Variants in DOK6 observed in about 807,000 individuals in gnomAD.
The protein encoded by DOK6 is downstream of tyrosine kinase 6.
DOK6 carries 22 observed loss-of-function variants against 44.0 expected under a neutral mutation model. The observed-to-expected ratio is 0.50, with a 90% confidence interval of 0.36 to 0.71. DOK6 has a LOEUF of 0.71. DOK6 is among the 30% of genes least tolerant of loss of function. The pLI is 0.00. For synonymous variants in DOK6, 166 were observed against 145.5 expected, an observed-to-expected ratio of 1.14 and a Z score of -1.01; for missense variants, 340 against 416.4, an observed-to-expected ratio of 0.82 and a Z score of 1.60.
intron 7 of DOK6, chr18:69,831,050 C>T (rs769828691): frequency 6.6e-6 from 1 of 152,112 alleles, no homozygotes; most frequent in Non-Finnish European, 1.5e-5. Flanking sequence ...GGAATTGGCT[C>T]ACCTTATTAT....
chr18:69,773,358 T>G (rs191083435), intron 7 of DOK6, among the ~76,000 whole-genome samples: 9 of 151,908 alleles, frequency 5.9e-5, no homozygotes, highest in Admixed American at 5.9e-4. Flanking sequence ...AAAAAAAATA[T>G]GAAAGTAGGA....
At chr18:69,502,055 A>C (rs1040320011) in intron 1 of DOK6, among the ~76,000 whole-genome samples, 1 of 152,140 alleles carries the variant, frequency 6.6e-6, no homozygotes, top group Non-Finnish European at 1.5e-5. Flanking sequence ...TTTAATACAT[A>C]GAATAGTTTG....
chr18:69,449,415 A>G (rs1396867791), intron 1 of DOK6, among the ~76,000 whole-genome samples: 1 of 152,238 alleles, frequency 6.6e-6, no homozygotes, highest in Non-Finnish European at 1.5e-5. Context: ...GAAAATAGCT[A>G]GATAATAAGT....
At chr18:69,620,711 A>G in intron 3 of DOK6, among the ~76,000 whole-genome samples, 1 of 152,344 alleles carries the variant, frequency 6.6e-6, no homozygotes, top group Middle Eastern at 3.4e-3. Context: ...TATGTCAATA[A>G]TGAATAATCG....
At chr18:69,799,134 A>G (rs528026622) in intron 7 of DOK6, among the ~76,000 whole-genome samples, 1 of 152,204 alleles carries the variant, frequency 6.6e-6, no homozygotes, top group South Asian at 2.1e-4. Context: ...ACCAAGCATT[A>G]CTATTATTAC....
chr18:69,651,989 G>A (rs1373463776), intron 3 of DOK6, among the ~76,000 whole-genome samples: 1 of 152,130 alleles, frequency 6.6e-6, no homozygotes, highest in Non-Finnish European at 1.5e-5. Flanking sequence ...AAGAGCAATG[G>A]GAGAATGGCC....
chr18:69,723,582 G>A (rs1231328193), intron 5 of DOK6, among the ~76,000 whole-genome samples: 2 of 152,192 alleles, frequency 1.3e-5, no homozygotes, highest in Non-Finnish European at 2.9e-5. Context: ...ATTGGGGAAG[G>A]TGGCAGAGGC....
intron 7 of DOK6, among the ~76,000 whole-genome samples, chr18:69,818,830 G>A (rs773261755): frequency 5.3e-5 from 8 of 152,238 alleles, no homozygotes; most frequent in Non-Finnish European, 1.2e-4. Context: ...GAGAAGCAAC[G>A]AGAAAAGCCA....
chr18:69,761,770 T>C (rs1264160616), intron 7 of DOK6, among the ~76,000 whole-genome samples: 1 of 152,148 alleles, frequency 6.6e-6, no homozygotes, highest in Non-Finnish European at 1.5e-5. Context: ...ATGGTTTTCC[T>C]CACTGAGGAT....
chr18:69,545,637 A>G (rs1982385192), intron 1 of DOK6, among the ~76,000 whole-genome samples: 1 of 151,338 alleles, frequency 6.6e-6, no homozygotes, highest in South Asian at 2.1e-4. Flanking sequence ...TGGATTATTA[A>G]TATGAAGAGA....
chr18:69,470,041 CAGGGGAAAT>C (rs982155476), intron 1 of DOK6: 6 of 162,386 alleles, frequency 3.7e-5, no homozygotes, highest in African/African-American at 1.4e-4. Flanking sequence ...CACCCATCTC[CAGGGGAAAT>C]TGATTTTGAA....
At chr18:69,595,734 G>A (rs1446778074) in intron 2 of DOK6, among the ~76,000 whole-genome samples, 1 of 152,128 alleles carries the variant, frequency 6.6e-6, no homozygotes, top group African/African-American at 2.4e-5. Context: ...AAAAGTTGAT[G>A]AGTTTATGTG....
chr18:69,699,088 G>C (rs1986454916), intron 5 of DOK6, among the ~76,000 whole-genome samples: 1 of 151,814 alleles, frequency 6.6e-6, no homozygotes, highest in Non-Finnish European at 1.5e-5. Flanking sequence ...AATCCATAAG[G>C]GTCTGAAATG....
At chr18:69,796,457 C>CTTTCATGTT (rs1244467434) in intron 7 of DOK6, among the ~76,000 whole-genome samples, 1 of 152,162 alleles carries the variant, frequency 6.6e-6, no homozygotes, top group Non-Finnish European at 1.5e-5. Context: ...CACCTCTTTG[C>CTTTCATGTT]CAGCCTTCTA....
At chr18:69,617,731 G>GAA (rs1984343474) in intron 3 of DOK6, among the ~76,000 whole-genome samples, 1 of 37,454 alleles carries the variant, frequency 2.7e-5, no homozygotes. Flanking sequence ...AAGAAAAAAG[G>GAA]GGGAAGGAGG....
intron 1 of DOK6, among the ~76,000 whole-genome samples, chr18:69,549,095 C>CAAA (rs370363528): frequency 0.068 from 8,990 of 132,288 alleles, 495 homozygotes; most frequent in Non-Finnish European, 0.086. Flanking sequence ...GACTCCGTCT[C>CAAA]AAAAAAAAAA....
chr18:69,767,365 T>G (rs1480504350), intron 7 of DOK6, among the ~76,000 whole-genome samples: 1 of 152,210 alleles, frequency 6.6e-6, no homozygotes, highest in East Asian at 1.9e-4. Flanking sequence ...AGTCTTCATT[T>G]AAGTTTTTTC....
chr18:69,695,402 C>G (rs1195709044), intron 4 of DOK6, among the ~76,000 whole-genome samples: 5 of 152,138 alleles, frequency 3.3e-5, no homozygotes, highest in Non-Finnish European at 7.4e-5. Context: ...TAAAAAGCAG[C>G]ATAATTAGAG....
At chr18:69,534,685 C>G (rs898155758) in intron 1 of DOK6, among the ~76,000 whole-genome samples, 1 of 151,842 alleles carries the variant, frequency 6.6e-6, no homozygotes, top group Non-Finnish European at 1.5e-5. Context: ...AAGGAGTATG[C>G]CAGCAGATGA....
Sources: allele counts gnomAD v4.1 joint callset (sites outside exome capture counted in the v4.1 genomes callset), GRCh38; gene constraint gnomAD v4.1.1; transcripts MANE v1.5; gene names NCBI Gene and HGNC (gene_info 2026-07-23, HGNC 2026-07-21).